The following GLYATL3 variants were observed in gnomAD, a reference collection of about 807,000 sequenced individuals.
The protein encoded by GLYATL3 is glycine N-acyltransferase-like protein 3.
Under a neutral mutation model 28.5 loss-of-function variants are expected in GLYATL3, and 31 were observed. The ratio of observed to expected loss-of-function variants is 1.09; its 90% CI spans 0.82 to 1.47. The LOEUF (loss-of-function observed/expected upper bound fraction) is 1.47, where lower values mean the gene tolerates loss of function less well. Among genes scored for constraint, GLYATL3 ranks in the 40% most tolerant of loss-of-function variants. The pLI, the probability that GLYATL3 is intolerant of heterozygous loss-of-function variation, is 0.00. For missense variants in GLYATL3, 369 were observed against 351.5 expected, an observed-to-expected ratio of 1.05 and a Z score of -0.40; for synonymous variants, 141 against 140.2, an observed-to-expected ratio of 1.01 and a Z score of -0.04.
At chr6:49,525,324 G>A (rs1340882896) in intron 5 of GLYATL3, among the ~76,000 whole-genome samples, 1 of 151,874 alleles carries the variant, frequency 6.6e-6, no homozygotes, top group African/African-American at 2.4e-5. Flanking sequence ...CCAACACTTT[G>A]GGAGGTCTAG....
intron 1 of GLYATL3, among the ~76,000 whole-genome samples, chr6:49,501,505 G>A (rs1768913136): frequency 6.6e-6 from 1 of 152,178 alleles, no homozygotes; most frequent in African/African-American, 2.4e-5. Flanking sequence ...TGGTCACATG[G>A]GGATGAAGTA....
intron 1 of GLYATL3, among the ~76,000 whole-genome samples, chr6:49,505,865 G>A (rs1295599217): frequency 6.6e-6 from 1 of 152,290 alleles, no homozygotes; most frequent in South Asian, 2.1e-4. Flanking sequence ...GTAGGAGAGT[G>A]GATGGAAGGA....
intron 1 of GLYATL3, among the ~76,000 whole-genome samples, chr6:49,501,246 A>AT (rs545078667): frequency 1.5e-4 from 21 of 140,434 alleles, no homozygotes; most frequent in Non-Finnish European, 3.3e-4. Flanking sequence ...TACTAAAAAT[A>AT]TAAAAAAAAC....
At chr6:49,518,890 G>A (rs908328258) in intron 4 of GLYATL3, among the ~76,000 whole-genome samples, 4 of 151,854 alleles carry the variant, frequency 2.6e-5, no homozygotes, top group East Asian at 1.9e-4. Context: ...GCAGTGAGCC[G>A]AGATCGCGCC....
At chr6:49,504,854 T>G (rs2127430908) in intron 1 of GLYATL3, among the ~76,000 whole-genome samples, 1 of 152,282 alleles carries the variant, frequency 6.6e-6, no homozygotes, top group Non-Finnish European at 1.5e-5. Flanking sequence ...GCTTCTCCAG[T>G]TTGACAGGTA....
intron 5 of GLYATL3, among the ~76,000 whole-genome samples, chr6:49,523,380 T>G (rs1423280079): frequency 6.6e-6 from 1 of 152,190 alleles, no homozygotes; most frequent in Non-Finnish European, 1.5e-5. Context: ...CCACGGAAAC[T>G]TATTATTAGA....
chr6:49,522,642 G>A (rs545150423), intron 5 of GLYATL3, among the ~76,000 whole-genome samples: 69 of 152,148 alleles, frequency 4.5e-4, no homozygotes, highest in Non-Finnish European at 8.2e-4. Flanking sequence ...GCAAGAGACT[G>A]AAGCAAGATA....
At chr6:49,521,379 G>A (rs911876268) in intron 4 of GLYATL3, among the ~76,000 whole-genome samples, 2 of 152,072 alleles carry the variant, frequency 1.3e-5, no homozygotes, top group East Asian at 1.9e-4. Context: ...CTAAAGTCCC[G>A]TGAGATATTC....
intron 2 of GLYATL3, among the ~76,000 whole-genome samples, 198 bp downstream of exon 2, chr6:49,512,266 C>CT (rs11358799): frequency 1.6e-4 from 21 of 129,376 alleles, no homozygotes; most frequent in African/African-American, 5.9e-4. Context: ...TTACACTTTT[C>CT]TTTTTTTTTT....
intron 1 of GLYATL3, among the ~76,000 whole-genome samples, chr6:49,507,672 G>C (rs1022205181): frequency 6.6e-6 from 1 of 152,128 alleles, no homozygotes; most frequent in African/African-American, 2.4e-5. Flanking sequence ...AGGCCACCTT[G>C]GGCGCCAGAT....
chr6:49,504,617 CCT>C (rs1223685003), intron 1 of GLYATL3, among the ~76,000 whole-genome samples: 1 of 152,018 alleles, frequency 6.6e-6, no homozygotes, highest in Non-Finnish European at 1.5e-5. Context: ...TCCTTATCCC[CCT>C]GTTTTTGTTT....
At chr6:49,500,498 A>T (rs1423973674) in intron 1 of GLYATL3, among the ~76,000 whole-genome samples, 3 of 152,204 alleles carry the variant, frequency 2.0e-5, no homozygotes, top group Non-Finnish European at 2.9e-5. Context: ...TGCTTATAAG[A>T]CTTAAAAGTC....
rs902149927 is a variant in GLYATL3, at chr6:49,526,472, T to C, written c.441-16T>C. 6.5e-7 allele frequency: 1 copy of C among 1,546,194 alleles called. No individual in the cohort carries two copies. The highest frequency in any genetic ancestry group is 8.7e-7 in the Non-Finnish European group (1 of 1,143,484). ...GAGTCTGAGGTCCTATTTGTTTTTG[T>C]GTCATTCTGGTCTAGCAAGGGGCCT... On this transcript the variant is annotated splice_polypyrimidine_tract_variant and intron_variant, in intron 5 of 5. Transcript: ENST00000371197.
intron 1 of GLYATL3, among the ~76,000 whole-genome samples, chr6:49,509,943 T>G (rs1159238792): frequency 1.7e-5 from 1 of 57,476 alleles, no homozygotes; most frequent in African/African-American, 4.9e-5. Flanking sequence ...TTACGTATTT[T>G]CTTTCTCTTT....
At chr6:49,511,809 T>C in intron 1 of GLYATL3, 154 bp from the exon 2 acceptor site, 1 of 477,602 alleles carries the variant, frequency 2.1e-6, no homozygotes, top group Non-Finnish European at 3.7e-6. Flanking sequence ...GGTTTACCCA[T>C]CCCAGTGCCT....
intron 4 of GLYATL3, among the ~76,000 whole-genome samples, chr6:49,519,525 A>G (rs1769279065): frequency 1.3e-5 from 2 of 152,182 alleles, no homozygotes; most frequent in Admixed American, 1.3e-4. Context: ...ACTATTCTTA[A>G]TTGGAGTATC....
intron 1 of GLYATL3, among the ~76,000 whole-genome samples, chr6:49,507,829 C>A (rs1357028108): frequency 1.3e-5 from 2 of 152,114 alleles, no homozygotes; most frequent in Admixed American, 6.5e-5. Flanking sequence ...CCTGCAGTGC[C>A]ACCAATGCAC....
intron 5 of GLYATL3, among the ~76,000 whole-genome samples, chr6:49,525,916 A>C (rs1047060891): frequency 2.6e-5 from 4 of 152,202 alleles, no homozygotes; most frequent in African/African-American, 9.7e-5. Flanking sequence ...TTAACAACAG[A>C]AACACTTTCC....
chr6:49,506,664 C>CT (rs954803712), intron 1 of GLYATL3, among the ~76,000 whole-genome samples: 20 of 152,018 alleles, frequency 1.3e-4, no homozygotes, highest in African/African-American at 4.6e-4. Context: ...ATTTTCCTGA[C>CT]TTTTTTTTGT....
Sources: gnomAD v4.1 joint callset for allele counts (sites outside exome capture counted in the v4.1 genomes callset) on GRCh38, gnomAD v4.1.1 for gene constraint, MANE v1.5 for transcripts, NCBI Gene and HGNC (gene_info 2026-07-23, HGNC 2026-07-21) for gene names.